The following BACH2 variants were observed in gnomAD, a reference collection of about 807,000 sequenced individuals.
BACH2 encodes the protein BACH transcriptional regulator 2.
A neutral mutation model predicts 61.8 loss-of-function variants in BACH2; 5 were observed. The ratio of observed to expected loss-of-function variants is 0.08; its 90% CI spans 0.04 to 0.17. The LOEUF (loss-of-function observed/expected upper bound fraction) is 0.17, where lower values mean the gene tolerates loss of function less well. Ranked by LOEUF, BACH2 falls within the 10% of genes least tolerant of loss-of-function variation. The pLI is 1.00. For missense variants in BACH2, 824 were observed against 1,091.1 expected (o/e 0.76, Z 3.45); for synonymous variants, 446 against 440.1 (o/e 1.01, Z -0.17).
At chr6:90,210,676 G>A (rs1769315356) in intron 3 of BACH2, among the ~76,000 whole-genome samples, 2 of 152,096 alleles carry the variant, frequency 1.3e-5, no homozygotes, top group Admixed American at 1.3e-4. Flanking sequence ...TCTTTTTATT[G>A]TTTTAAGAAG....
chr6:90,283,678 T>TGA (rs1562541985), intron 1 of BACH2, among the ~76,000 whole-genome samples: 1 of 152,066 alleles, frequency 6.6e-6, no homozygotes, highest in Non-Finnish European at 1.5e-5. Flanking sequence ...CCCGGCCTCC[T>TGA]CATGCATTTT....
chr6:90,043,583 C>T (rs1340232260), intron 5 of BACH2, among the ~76,000 whole-genome samples: 22 of 148,794 alleles, frequency 1.5e-4, no homozygotes. Context: ...TATTAACTTA[C>T]AGCAACAGAA....
intron 5 of BACH2, among the ~76,000 whole-genome samples, chr6:90,086,489 G>C (rs1179747282): frequency 1.3e-5 from 2 of 152,126 alleles, no homozygotes; most frequent in Non-Finnish European, 2.9e-5. Context: ...AAACTGACCA[G>C]AAAGTACAGA....
chr6:90,197,689 G>A (rs1768805199), intron 4 of BACH2, among the ~76,000 whole-genome samples: 1 of 152,152 alleles, frequency 6.6e-6, no homozygotes, highest in South Asian at 2.1e-4. Context: ...TGTGGGCTTA[G>A]TCCAACATGA....
At chr6:90,227,523 C>A (rs961001392) in intron 3 of BACH2, among the ~76,000 whole-genome samples, 1 of 152,210 alleles carries the variant, frequency 6.6e-6, no homozygotes, top group Non-Finnish European at 1.5e-5. Flanking sequence ...ACAGTGACAG[C>A]CCCCTGCCTG....
chr6:90,219,037 A>G (rs1769646323), intron 3 of BACH2, among the ~76,000 whole-genome samples: 2 of 152,046 alleles, frequency 1.3e-5, no homozygotes, highest in African/African-American at 4.8e-5. Flanking sequence ...CTCAGAAAAC[A>G]GTAGACTTCA....
chr6:90,188,721 T>C (rs1768445745), intron 4 of BACH2, among the ~76,000 whole-genome samples: 2 of 128,488 alleles, frequency 1.6e-5, no homozygotes, highest in Admixed American at 1.8e-4. Flanking sequence ...AGTTACTTCA[T>C]ACTACCAATC....
Position 89,951,972 on chromosome 6 carries a change from C to G in BACH2, c.244-110G>C. ...CAGTGCTAATGTCCCAGAATAAAGA[C>G]TGCAAAGGGGCAGTTAATCTTGTAG... On this transcript the variant is annotated intron_variant, in intron 6 of 8. Coordinates refer to ENST00000257749, the MANE Select transcript of BACH2 (RefSeq NM_021813.4). The surrounding 1 kb of genome is among the most constrained non-coding windows in gnomAD (Gnocchi z 6.4). The G allele has an allele frequency of 9.3e-6, 12 of 1,296,936 alleles. 1 individual carries two copies. The South Asian group carries it at 1.8e-4, about 19-fold the overall frequency. The allele number at this position is 1,296,936 out of a possible 1,614,324, so 80.3% of individuals were successfully genotyped here.
chr6:90,083,848 A>T (rs1781819001), intron 5 of BACH2, among the ~76,000 whole-genome samples: 1 of 152,188 alleles, frequency 6.6e-6, no homozygotes, highest in East Asian at 1.9e-4. Context: ...TGAGGACAAG[A>T]ATATTTTTTA....
chr6:90,022,533 A>C (rs1320969561), intron 5 of BACH2, among the ~76,000 whole-genome samples: 1 of 152,224 alleles, frequency 6.6e-6, no homozygotes, highest in Non-Finnish European at 1.5e-5. Context: ...GCAGTGAGCC[A>C]AGATCGTGCC....
chr6:90,285,456 A>G (rs2127889030), intron 1 of BACH2, among the ~76,000 whole-genome samples: 1 of 152,360 alleles, frequency 6.6e-6, no homozygotes, highest in South Asian at 2.1e-4. Flanking sequence ...TTCTGATCTT[A>G]GTAGGAAATA....
At chr6:90,081,117 G>A (rs776328600) in intron 5 of BACH2, among the ~76,000 whole-genome samples, 1 of 152,144 alleles carries the variant, frequency 6.6e-6, no homozygotes, top group Non-Finnish European at 1.5e-5. Flanking sequence ...GTTTAGGTTA[G>A]AGAAAGTTAA....
chr6:90,007,561 A>G (rs1191649831), intron 6 of BACH2, among the ~76,000 whole-genome samples: 2 of 151,878 alleles, frequency 1.3e-5, no homozygotes, highest in African/African-American at 2.4e-5. Context: ...TCACTCATTT[A>G]TATTATTTGC....
chr6:90,183,156 C>T (rs1435379799), intron 4 of BACH2, among the ~76,000 whole-genome samples: 2 of 152,178 alleles, frequency 1.3e-5, no homozygotes, highest in African/African-American at 4.8e-5. Context: ...TTCAGACCAA[C>T]CTTTACCTCC....
chr6:90,045,401 C>G (rs1329044314), intron 5 of BACH2, among the ~76,000 whole-genome samples: 1 of 152,144 alleles, frequency 6.6e-6, no homozygotes, highest in East Asian at 1.9e-4. Context: ...AGAGTGAGTC[C>G]TTCAGGAAAG....
chr6:89,950,650 T>A lies in BACH2; in HGVS notation c.1456A>T (p.Met486Leu). 6.2e-7 allele frequency: 1 copy of A among 1,614,106 alleles called. No homozygotes were observed. The highest frequency in any genetic ancestry group is 8.5e-7 in the Non-Finnish European group (1 of 1,180,012). The part of the protein sequence containing the change: ...SSQAYSHGGL[M>L]ADHLPGRMRP... The stretch of plus-strand genomic sequence containing the variant: ...ATCCTTCCTGGCAAGTGGTCGGCCA[T>A]CAGCCCACCGTGGGAGTAGGCCTGC... The change falls in exon 7 of 9, where the codon ATG becomes TTG. Residue 486 changes from methionine to leucine, a missense_variant. Met to Leu is a conservative substitution (Grantham distance 15). This residue lies in a region of BACH2 where 102 missense variants were observed against 98.1 expected (regional missense o/e 1.04). Coordinates refer to ENST00000257749, the MANE Select transcript of BACH2 (RefSeq NM_021813.4). The surrounding 1 kb of genome is among the most constrained non-coding windows in gnomAD (Gnocchi z 5.3).
intron 5 of BACH2, among the ~76,000 whole-genome samples, chr6:90,037,531 C>T (rs1257454047): frequency 6.6e-6 from 1 of 152,200 alleles, no homozygotes; most frequent in Non-Finnish European, 1.5e-5. Flanking sequence ...TGCTAACACT[C>T]TTGGTGGAAA....
chr6:90,027,312 G>A (rs376744961), intron 5 of BACH2, among the ~76,000 whole-genome samples: 30 of 152,298 alleles, frequency 2.0e-4, no homozygotes, highest in African/African-American at 7.0e-4. Flanking sequence ...CAGCTTCTCA[G>A]AATGACGATT....
At chr6:90,091,804 A>G (rs1421313845) in intron 4 of BACH2, among the ~76,000 whole-genome samples, 1 of 152,128 alleles carries the variant, frequency 6.6e-6, no homozygotes. Flanking sequence ...AATCTTATCT[A>G]AAAATAAGGA....
Sources: gnomAD v4.1 joint callset for allele counts (sites outside exome capture counted in the v4.1 genomes callset) on GRCh38, gnomAD v4.1.1 for gene constraint, gnomAD v4.1.1 regional missense constraint, Gnocchi (gnomAD v3.1) non-coding constraint, MANE v1.5 for transcripts, NCBI Gene and HGNC (gene_info 2026-07-23, HGNC 2026-07-21) for gene names.